Variants in DLG2 observed in about 807,000 individuals in gnomAD.
DLG2 encodes disks large homolog 2.
A neutral mutation model predicts 132.5 loss-of-function variants in DLG2; 45 were observed. The ratio of observed to expected loss-of-function variants is 0.34; its 90% CI spans 0.27 to 0.44. DLG2 has a LOEUF of 0.44. Among genes scored for constraint, DLG2 ranks in the 20% least tolerant of loss-of-function variants. The pLI is 1.00. For synonymous variants in DLG2, 424 were observed against 419.6 expected (o/e 1.01, Z -0.13); for missense variants, 1,045 against 1,196.9 (o/e 0.87, Z 1.87).
chr11:84,954,511 T>G (rs2051384431), intron 6 of DLG2, among the ~76,000 whole-genome samples: 1 of 152,198 alleles, frequency 6.6e-6, no homozygotes, highest in South Asian at 2.1e-4. Flanking sequence ...GAAGACTATG[T>G]TAGCAGCCTA....
chr11:83,746,722 A>G (rs374802375), intron 18 of DLG2, among the ~76,000 whole-genome samples: 2 of 152,178 alleles, frequency 1.3e-5, no homozygotes, highest in African/African-American at 4.8e-5. Context: ...AACTTAAAGT[A>G]TAATAAAAAA....
At chr11:83,800,169 G>A (rs969052390) in intron 17 of DLG2, among the ~76,000 whole-genome samples, 1 of 152,132 alleles carries the variant, frequency 6.6e-6, no homozygotes, top group Non-Finnish European at 1.5e-5. Flanking sequence ...AAACAGAAAA[G>A]CACAATCCTA....
intron 4 of DLG2, among the ~76,000 whole-genome samples, chr11:85,253,812 A>T (rs2076525074): frequency 6.6e-6 from 1 of 152,106 alleles, no homozygotes; most frequent in African/African-American, 2.4e-5. Context: ...GAAGGGAAAA[A>T]AATGCCAAAG....
chr11:85,216,218 C>T (rs955891837), intron 4 of DLG2, among the ~76,000 whole-genome samples: 6 of 152,032 alleles, frequency 3.9e-5, no homozygotes, highest in South Asian at 2.1e-4. Flanking sequence ...AGATTTAAAA[C>T]GACAAGAAAG....
intron 7 of DLG2, among the ~76,000 whole-genome samples, chr11:84,291,831 G>A (rs186186980): frequency 7.2e-5 from 11 of 152,190 alleles, no homozygotes; most frequent in Admixed American, 2.6e-4. Context: ...AAGTTAATAC[G>A]AATAAATTTC....
chr11:84,117,675 T>C (rs2093699399), intron 9 of DLG2, among the ~76,000 whole-genome samples: 1 of 152,180 alleles, frequency 6.6e-6, no homozygotes. Flanking sequence ...GCCACATGTA[T>C]CAGTTATATT....
chr11:83,617,285 A>G (rs756904402), intron 19 of DLG2, among the ~76,000 whole-genome samples: 1 of 152,208 alleles, frequency 6.6e-6, no homozygotes, highest in Non-Finnish European at 1.5e-5. Flanking sequence ...CCTATTCATG[A>G]ATAAGGTATA....
chr11:85,267,120 T>C (rs1480909093), intron 4 of DLG2, among the ~76,000 whole-genome samples: 2 of 152,202 alleles, frequency 1.3e-5, no homozygotes, highest in Non-Finnish European at 2.9e-5. Context: ...TTTAGGCCTT[T>C]GAAAGGTAAT....
intron 7 of DLG2, among the ~76,000 whole-genome samples, chr11:84,343,882 A>G (rs2098526988): frequency 6.6e-6 from 1 of 152,168 alleles, no homozygotes; most frequent in Non-Finnish European, 1.5e-5. Flanking sequence ...TTTCTTCCAC[A>G]TGAAGTACTG....
intron 19 of DLG2, among the ~76,000 whole-genome samples, chr11:83,574,769 A>G (rs2144170522): frequency 6.6e-6 from 1 of 152,300 alleles, no homozygotes; most frequent in East Asian, 1.9e-4. Context: ...AGGGATCAGG[A>G]GGTTGTCTAA....
chr11:83,971,784 C>T (rs917398612), intron 12 of DLG2, among the ~76,000 whole-genome samples: 1 of 152,008 alleles, frequency 6.6e-6, no homozygotes, highest in Non-Finnish European at 1.5e-5. Context: ...AATGCCAATG[C>T]TATGAAAATA....
chr11:84,549,187 G>A (rs2099396750), intron 6 of DLG2, among the ~76,000 whole-genome samples: 1 of 152,200 alleles, frequency 6.6e-6, no homozygotes, highest in Non-Finnish European at 1.5e-5. Context: ...ATTTGCTGGA[G>A]AGGACCAGGC....
chr11:84,706,198 A>C (rs888759772), intron 6 of DLG2, among the ~76,000 whole-genome samples: 2 of 151,838 alleles, frequency 1.3e-5, no homozygotes, highest in African/African-American at 4.8e-5. Context: ...AAAGATCAAT[A>C]CTGTATTTGC....
rs200688383 is a variant in DLG2 at position 84,591,217 on chromosome 11, G to GTC, written c.358-56488_358-56487dup. Among the ~76,000 whole-genome samples the GTC allele has an allele frequency of 9.1e-3, 1,261 of 138,394 alleles. 11 individuals carry two copies. The highest frequency in any genetic ancestry group is 0.029 in the Middle Eastern group (8 of 278). The allele number at this position is 138,394 out of a possible 152,430, so 90.8% of individuals were successfully genotyped here. ...TTGTTATAAACACTGCTATATATGTGTCTCTCTGTGTGTGTGTGTGTGTGT... is the reference window on the plus strand; with the variant it reads ...TTGTTATAAACACTGCTATATATGTGTCTCTCTCTGTGTGTGTGTGTGTGTGT... On this transcript the variant is annotated intron_variant, in intron 6 of 27. Coordinates refer to ENST00000376104, the MANE Select transcript of DLG2 (RefSeq NM_001142699.3).
At chr11:84,552,053 G>A (rs2099402826) in intron 6 of DLG2, among the ~76,000 whole-genome samples, 1 of 152,140 alleles carries the variant, frequency 6.6e-6, no homozygotes, top group African/African-American at 2.4e-5. Context: ...GCTCCCTGAT[G>A]AAAGCAGTGA....
At chr11:85,444,516 C>T (rs1183201576) in intron 3 of DLG2, among the ~76,000 whole-genome samples, 1 of 152,220 alleles carries the variant, frequency 6.6e-6, no homozygotes, top group Non-Finnish European at 1.5e-5. Context: ...TCCTTAGGCA[C>T]AGTTAGATTC....
intron 3 of DLG2, among the ~76,000 whole-genome samples, chr11:85,588,903 C>G (rs1301115787): frequency 6.6e-6 from 1 of 152,172 alleles, no homozygotes; most frequent in Non-Finnish European, 1.5e-5. Context: ...AGGGATGAGG[C>G]TTGCTGCAAG....
At chr11:84,243,770 G>A (rs1192106123) in intron 8 of DLG2, among the ~76,000 whole-genome samples, 2 of 152,086 alleles carry the variant, frequency 1.3e-5, no homozygotes, top group East Asian at 1.9e-4. Flanking sequence ...AACTAGCAGT[G>A]GCTTCTCATT....
intron 3 of DLG2, among the ~76,000 whole-genome samples, chr11:85,314,573 G>A (rs117602241): frequency 0.017 from 2,640 of 151,914 alleles, 103 homozygotes; most frequent in Non-Finnish European, 0.014. Flanking sequence ...CCTATAAGTA[G>A]AGCCTGAGGC....
Sources: allele counts gnomAD v4.1 joint callset (sites outside exome capture counted in the v4.1 genomes callset), GRCh38; gene constraint gnomAD v4.1.1; transcripts MANE v1.5; gene names NCBI Gene and HGNC (gene_info 2026-07-23, HGNC 2026-07-21).